Variants in LRRIQ3 observed in about 807,000 individuals in gnomAD.
LRRIQ3 encodes leucine-rich repeat and IQ domain-containing protein 3.
Under a neutral mutation model 59.3 loss-of-function variants are expected in LRRIQ3, and 75 were observed. That is an observed-to-expected ratio of 1.26 (90% CI 1.05 to 1.53). LRRIQ3 has a LOEUF of 1.53. Ranked by LOEUF, LRRIQ3 falls within the 40% of genes most tolerant of loss-of-function variation. The pLI is 0.00. For missense variants in LRRIQ3, 831 were observed against 710.0 expected (o/e 1.17, Z -1.94); for synonymous variants, 250 against 231.3 (o/e 1.08, Z -0.73).
intron 4 of LRRIQ3, among the ~76,000 whole-genome samples, chr1:74,116,419 A>C (rs762995397): frequency 1.1e-4 from 16 of 152,168 alleles, no homozygotes; most frequent in Middle Eastern, 3.4e-3. Context: ...ACAGGCAATC[A>C]GATATAAGGC....
At chr1:74,092,401 G>T (rs1228174671) in intron 5 of LRRIQ3, among the ~76,000 whole-genome samples, 4 of 151,974 alleles carry the variant, frequency 2.6e-5, no homozygotes, top group African/African-American at 9.7e-5. Context: ...TGGTACAGAT[G>T]AAAGAAATGT....
intron 6 of LRRIQ3, among the ~76,000 whole-genome samples, chr1:74,069,299 C>T (rs192669789): frequency 6.6e-6 from 1 of 152,098 alleles, no homozygotes; most frequent in African/African-American, 2.4e-5. Flanking sequence ...ACTAACAGAA[C>T]ACACACTTTT....
At chr1:74,138,982 C>T (rs909785621) in intron 4 of LRRIQ3, among the ~76,000 whole-genome samples, 1 of 149,724 alleles carries the variant, frequency 6.7e-6, no homozygotes, top group South Asian at 2.1e-4. Flanking sequence ...GAGACCAGAC[C>T]GAACAACATA....
At chr1:74,185,019 T>C (rs1417553353) in intron 1 of LRRIQ3, among the ~76,000 whole-genome samples, 4 of 152,218 alleles carry the variant, frequency 2.6e-5, no homozygotes, top group Non-Finnish European at 5.9e-5. Flanking sequence ...TTCCATCGCA[T>C]GGATGCACTA....
chr1:74,028,616 A>G (rs1005426904), intron 7 of LRRIQ3, among the ~76,000 whole-genome samples: 1 of 152,010 alleles, frequency 6.6e-6, no homozygotes, highest in African/African-American at 2.4e-5. Context: ...GTGAAGGCTT[A>G]TAGTTAAGAG....
chr1:74,172,944 T>C (rs1297890937), intron 3 of LRRIQ3, among the ~76,000 whole-genome samples: 1 of 152,162 alleles, frequency 6.6e-6, no homozygotes, highest in African/African-American at 2.4e-5. Context: ...TTCACCAATA[T>C]GTGAGGATTT....
chr1:74,154,240 CAAAAAAAAAAAAAAAAAAA>C (rs71078186), intron 4 of LRRIQ3, among the ~76,000 whole-genome samples: 37 of 57,280 alleles, frequency 6.5e-4, no homozygotes, highest in South Asian at 3.8e-3. Context: ...GACTCCTTCT[CAAAAAAAAAAAAAAAAAAA>C]AAAAAAAAAA....
chr1:74,105,910 A>G (rs993594258), intron 5 of LRRIQ3, among the ~76,000 whole-genome samples: 1 of 152,020 alleles, frequency 6.6e-6, no homozygotes, highest in Admixed American at 6.6e-5. Flanking sequence ...ATGCCAGGTT[A>G]TTTTATGTCA....
intron 4 of LRRIQ3, among the ~76,000 whole-genome samples, chr1:74,151,986 G>A (rs571434475): frequency 4.6e-5 from 7 of 152,074 alleles, no homozygotes; most frequent in East Asian, 3.9e-4. Flanking sequence ...TCACTATCTC[G>A]TTCTTTACAG....
chr1:74,094,453 G>T (rs1384631908), intron 5 of LRRIQ3, among the ~76,000 whole-genome samples: 3 of 151,946 alleles, frequency 2.0e-5, no homozygotes, highest in African/African-American at 7.3e-5. Context: ...TGTGAGGTAG[G>T]GGTCACAAGC....
intron 5 of LRRIQ3, among the ~76,000 whole-genome samples, chr1:74,102,504 T>C (rs946874233): frequency 6.6e-6 from 1 of 151,966 alleles, no homozygotes; most frequent in African/African-American, 2.4e-5. Context: ...AAGTTGAAAC[T>C]CCTTTGCGCT....
At chr1:74,144,626 G>A in intron 4 of LRRIQ3, 1 of 215,668 alleles carries the variant, frequency 4.6e-6, no homozygotes, top group South Asian at 5.7e-5. Flanking sequence ...AGCAGTCAGG[G>A]TTAACAAACT....
At chr1:74,139,597 TC>T (rs1245457900) in intron 4 of LRRIQ3, among the ~76,000 whole-genome samples, 5 of 151,932 alleles carry the variant, frequency 3.3e-5, no homozygotes, top group Non-Finnish European at 5.9e-5. Context: ...AAACTTTTAT[TC>T]CACATAACTG....
intron 1 of LRRIQ3, 83 bp from the exon 2 acceptor site, chr1:74,183,767 T>C (rs2100727607): frequency 5.0e-6 from 6 of 1,210,086 alleles, no homozygotes; most frequent in South Asian, 3.7e-5. Context: ...TGCCAAGAGA[T>C]AGCGCAAGTA....
At chr1:74,171,611 T>C (rs1054728382) in intron 3 of LRRIQ3, among the ~76,000 whole-genome samples, 59 of 152,240 alleles carry the variant, frequency 3.9e-4, no homozygotes, top group African/African-American at 1.3e-3. Context: ...AGTTTTCTTG[T>C]GTTGTTTTTG....
chr1:74,041,477 T>G lies in LRRIQ3; in HGVS notation c.1454A>C (p.Gln485Pro). 1 of 1,613,320 alleles carries G rather than the reference T, an allele frequency of 6.2e-7. No individual in the cohort carries two copies. The highest frequency in any genetic ancestry group is 1.1e-5 in the South Asian group (1 of 90,948). Residue 485 changes from glutamine to proline, a missense_variant, in exon 7 of 8, where the codon CAA (glutamine) becomes CCA (proline). Gln to Pro is a moderately conservative substitution (Grantham distance 76, BLOSUM62 -1). Coordinates refer to ENST00000354431, the MANE Select transcript of LRRIQ3 (RefSeq NM_001105659.2). ...NKETIQNSLRQVWQNRFNYLE... is the reference protein window; with the variant it reads ...NKETIQNSLRPVWQNRFNYLE... ...GTAGTTGAATCTGTTTTGCCAAACTTGTCGTAAACTGTTCTGAATTGTCTC... is the reference window on the plus strand; with the variant it reads ...GTAGTTGAATCTGTTTTGCCAAACTGGTCGTAAACTGTTCTGAATTGTCTC...
chr1:74,109,252 C>A, intron 5 of LRRIQ3, 142 bp downstream of exon 5: 2 of 693,768 alleles, frequency 2.9e-6, no homozygotes, highest in South Asian at 1.7e-5. Context: ...TAACTTTTTT[C>A]AATCAAAAAA....
chr1:74,107,592 A>T (rs1646632695), intron 5 of LRRIQ3, among the ~76,000 whole-genome samples: 1 of 149,496 alleles, frequency 6.7e-6, no homozygotes, highest in Non-Finnish European at 1.5e-5. Context: ...TTATATAAAT[A>T]ATAAAATAAG....
intron 4 of LRRIQ3, among the ~76,000 whole-genome samples, chr1:74,133,267 C>T (rs922542234): frequency 6.6e-5 from 10 of 152,120 alleles, no homozygotes; most frequent in Non-Finnish European, 7.3e-5. Flanking sequence ...GTTGGTGGAA[C>T]TGTAAACAAG....
Sources: gnomAD v4.1 joint callset for allele counts (sites outside exome capture counted in the v4.1 genomes callset) on GRCh38, gnomAD v4.1.1 for gene constraint, MANE v1.5 for transcripts, NCBI Gene and HGNC (gene_info 2026-07-23, HGNC 2026-07-21) for gene names.